Variants in RALGAPA2 observed in about 807,000 individuals in gnomAD.
RALGAPA2 encodes ral GTPase-activating protein subunit alpha-2.
In RALGAPA2, 139 loss-of-function variants were observed where a neutral mutation model predicts 230.4. The ratio of observed to expected loss-of-function variants is 0.60; its 90% CI spans 0.53 to 0.69. The LOEUF is 0.69. Among genes scored for constraint, RALGAPA2 ranks in the 30% least tolerant of loss-of-function variants. RALGAPA2 has a pLI of 0.00. For synonymous variants in RALGAPA2, 847 were observed against 837.8 expected, an observed-to-expected ratio of 1.01 and a Z score of -0.19; for missense variants, 2,163 against 2,276.0, an observed-to-expected ratio of 0.95 and a Z score of 1.01.
At chr20:20,630,440 G>A (rs1029835603) in intron 9 of RALGAPA2, among the ~76,000 whole-genome samples, 1 of 152,046 alleles carries the variant, frequency 6.6e-6, no homozygotes, top group African/African-American at 2.4e-5. Context: ...AACTACCAAG[G>A]ACAGTTTGAA....
intron 37 of RALGAPA2, among the ~76,000 whole-genome samples, chr20:20,451,924 A>C (rs1031613234): frequency 2.6e-5 from 4 of 152,240 alleles, no homozygotes; most frequent in African/African-American, 9.6e-5. Flanking sequence ...ATAGCTTTAA[A>C]ATACTATAAT....
At chr20:20,396,281 C>G (rs777600470) in intron 39 of RALGAPA2, among the ~76,000 whole-genome samples, 7 of 152,276 alleles carry the variant, frequency 4.6e-5, no homozygotes, top group Non-Finnish European at 1.0e-4. Flanking sequence ...TCAGAGGCCT[C>G]CATTAAGGCT....
At chr20:20,512,302 T>C (rs1422666381) in intron 32 of RALGAPA2, among the ~76,000 whole-genome samples, 1 of 151,824 alleles carries the variant, frequency 6.6e-6, no homozygotes, top group African/African-American at 2.4e-5. Context: ...ATCCAACATG[T>C]TTGGAATTCA....
In RALGAPA2 at chr20:20,545,073, A is replaced by T. The variant is rs566455571; in HGVS notation, c.3285+1631T>A. On this transcript the variant is annotated intron_variant, in intron 24 of 39. Coordinates refer to ENST00000202677, the MANE Select transcript of RALGAPA2 (RefSeq NM_020343.4). ...TATGATTTCCCTTCTTGTATCTTGTAATTTTTTTGAAAGATGATGTGAATG... is the reference window on the plus strand; with the variant it reads ...TATGATTTCCCTTCTTGTATCTTGTTATTTTTTTGAAAGATGATGTGAATG... Among the ~76,000 whole-genome samples the T allele has an allele frequency of 4.6e-5, 7 of 152,330 alleles. No homozygotes were observed. In the South Asian group the frequency reaches 1.4e-3, roughly 32 times the overall value.
chr20:20,663,594 T>C (rs1258883719), intron 3 of RALGAPA2, among the ~76,000 whole-genome samples: 1 of 152,102 alleles, frequency 6.6e-6, no homozygotes, highest in African/African-American at 2.4e-5. Context: ...CCATTATTAT[T>C]ATTACTATTA....
At chr20:20,610,477 C>T (rs961736002) in intron 14 of RALGAPA2, among the ~76,000 whole-genome samples, 2 of 152,148 alleles carry the variant, frequency 1.3e-5, no homozygotes, top group Non-Finnish European at 2.9e-5. Context: ...TCTGCTCGCA[C>T]CAAAGACCGG....
chr20:20,499,662 T>C (rs887928186), intron 35 of RALGAPA2, among the ~76,000 whole-genome samples: 40 of 152,176 alleles, frequency 2.6e-4, no homozygotes, highest in African/African-American at 9.2e-4. Context: ...TGGTCAGCGC[T>C]TCTGGCTGTA....
chr20:20,591,372 A>G, intron 16 of RALGAPA2, 58 bp from the exon 17 acceptor site: 2 of 1,518,924 alleles, frequency 1.3e-6, no homozygotes, highest in African/African-American at 1.4e-5. Context: ...AAACACATTC[A>G]CCACTTAAAA....
intron 17 of RALGAPA2, among the ~76,000 whole-genome samples, 191 bp downstream of exon 17, chr20:20,590,986 A>T (rs1445773764): frequency 6.6e-6 from 1 of 152,174 alleles, no homozygotes; most frequent in Admixed American, 6.6e-5. Flanking sequence ...ATATAAAAAT[A>T]ATTTAGATAA....
At chr20:20,674,078 C>T (rs1387145879) in intron 3 of RALGAPA2, among the ~76,000 whole-genome samples, 1 of 151,920 alleles carries the variant, frequency 6.6e-6, no homozygotes, top group Non-Finnish European at 1.5e-5. Flanking sequence ...CACGTGTAGT[C>T]CCACCTACTC....
intron 37 of RALGAPA2, among the ~76,000 whole-genome samples, chr20:20,463,595 C>T (rs1412007613): frequency 6.6e-6 from 1 of 152,126 alleles, no homozygotes; most frequent in African/African-American, 2.4e-5. Context: ...TTTTTCTATG[C>T]TTCATGGCCA....
At chr20:20,443,418 A>G (rs2060785127) in intron 37 of RALGAPA2, among the ~76,000 whole-genome samples, 1 of 152,202 alleles carries the variant, frequency 6.6e-6, no homozygotes, top group Non-Finnish European at 1.5e-5. Context: ...GAGAACTATG[A>G]AACGATGTCT....
intron 10 of RALGAPA2, 113 bp downstream of exon 10, chr20:20,629,250 C>T: frequency 2.4e-6 from 2 of 828,530 alleles, no homozygotes; most frequent in Non-Finnish European, 3.9e-6. Context: ...CCCAACTCAC[C>T]AATTCTATTT....
At chr20:20,654,250 G>A (rs982138777) in intron 3 of RALGAPA2, among the ~76,000 whole-genome samples, 2 of 152,146 alleles carry the variant, frequency 1.3e-5, no homozygotes, top group African/African-American at 4.8e-5. Flanking sequence ...GTGCACTGGC[G>A]TGATTTCAGC....
At chr20:20,615,918 T>C in intron 13 of RALGAPA2, 125 bp downstream of exon 13, 1 of 717,558 alleles carries the variant, frequency 1.4e-6, no homozygotes, top group Non-Finnish European at 2.1e-6. Flanking sequence ...ACAGAAACTG[T>C]TACAAAAGAC....
intron 24 of RALGAPA2, among the ~76,000 whole-genome samples, chr20:20,544,860 G>A (rs2063739154): frequency 6.6e-6 from 1 of 151,886 alleles, no homozygotes; most frequent in African/African-American, 2.4e-5. Flanking sequence ...TCACATACTG[G>A]GGCCTGTCAG....
rs973154171 is a variant in RALGAPA2 at position 20,680,672 on chromosome 20, A to T, written c.217+19T>A. On this transcript the variant is annotated intron_variant, in intron 2 of 39. Coordinates refer to ENST00000202677, the MANE Select transcript of RALGAPA2 (RefSeq NM_020343.4). ...AAATGCCCGAATGTTTTTTAAAAAA[A>T]AACTACTGAAATGCTTACCTTTTAA... 2.0e-6 allele frequency: 3 copies of T among 1,513,282 alleles called. No individual in the cohort carries two copies. Among genetic ancestry groups the T allele is most frequent in the Non-Finnish European group, 2.6e-6 (3 of 1,137,374 alleles). 93.7% of individuals were successfully genotyped at this position (1,513,282 alleles called of 1,614,324 possible).
At chr20:20,670,904 C>T (rs1411520924) in intron 3 of RALGAPA2, among the ~76,000 whole-genome samples, 1 of 137,158 alleles carries the variant, frequency 7.3e-6, no homozygotes, top group South Asian at 2.5e-4. Context: ...AAGCCAAGAT[C>T]AAGCCACTGC....
intron 9 of RALGAPA2, among the ~76,000 whole-genome samples, chr20:20,634,501 T>C (rs2066790952): frequency 6.6e-6 from 1 of 152,210 alleles, no homozygotes; most frequent in African/African-American, 2.4e-5. Flanking sequence ...CAGTGACTTC[T>C]CCCCAGTGGA....
Sources: allele counts gnomAD v4.1 joint callset (sites outside exome capture counted in the v4.1 genomes callset), GRCh38; gene constraint gnomAD v4.1.1; transcripts MANE v1.5; gene names NCBI Gene and HGNC (gene_info 2026-07-23, HGNC 2026-07-21).